NRG3: variants seen among roughly 807,000 people sequenced by gnomAD.
NRG3 encodes pro-neuregulin-3, membrane-bound isoform.
NRG3 carries 31 observed loss-of-function variants against 66.9 expected under a neutral mutation model. The observed-to-expected ratio is 0.46, with a 90% confidence interval of 0.35 to 0.63. NRG3 has a LOEUF of 0.63. Among genes scored for constraint, NRG3 ranks in the 20% least tolerant of loss-of-function variants. The pLI, the probability that NRG3 is intolerant of heterozygous loss-of-function variation, is 0.00. For missense variants in NRG3, 910 were observed against 878.9 expected, an observed-to-expected ratio of 1.04 and a Z score of -0.45; for synonymous variants, 393 against 359.4, an observed-to-expected ratio of 1.09 and a Z score of -1.06.
chr10:82,147,960 C>T (rs890296971), intron 1 of NRG3, among the ~76,000 whole-genome samples: 6 of 152,142 alleles, frequency 3.9e-5, no homozygotes, highest in South Asian at 4.1e-4. Flanking sequence ...ATGGGAAAAG[C>T]GTTTTAAAAG....
At chr10:82,183,017 A>T (rs557745839) in intron 1 of NRG3, among the ~76,000 whole-genome samples, 1 of 152,002 alleles carries the variant, frequency 6.6e-6, no homozygotes, top group South Asian at 2.1e-4. Flanking sequence ...CTACATAATG[A>T]TTGGATTTCT....
intron 2 of NRG3, among the ~76,000 whole-genome samples, chr10:82,664,028 G>C (rs1412091849): frequency 6.6e-6 from 1 of 152,114 alleles, no homozygotes; most frequent in Admixed American, 6.5e-5. Context: ...CTTTGGGGAG[G>C]CTTTTCATGT....
intron 1 of NRG3, among the ~76,000 whole-genome samples, chr10:82,190,629 C>G (rs1159448296): frequency 1.3e-5 from 2 of 152,110 alleles, no homozygotes; most frequent in African/African-American, 4.8e-5. Flanking sequence ...CAAGCTTTCC[C>G]ACTGGCTCTG....
chr10:82,306,564 C>T (rs1285979175), intron 1 of NRG3, among the ~76,000 whole-genome samples: 2 of 151,656 alleles, frequency 1.3e-5, no homozygotes, highest in Non-Finnish European at 2.9e-5. Flanking sequence ...ATTAGCCAGG[C>T]GTGGTGGTGG....
At chr10:82,090,972 T>G (rs1414730202) in intron 1 of NRG3, among the ~76,000 whole-genome samples, 1 of 152,128 alleles carries the variant, frequency 6.6e-6, no homozygotes, top group Non-Finnish European at 1.5e-5. Context: ...AACGGTGCAG[T>G]GTGAAGCATT....
intron 4 of NRG3, among the ~76,000 whole-genome samples, chr10:82,884,134 C>A (rs1842527545): frequency 6.6e-6 from 1 of 151,386 alleles, no homozygotes; most frequent in East Asian, 1.9e-4. Flanking sequence ...CTTTGTTTTA[C>A]CTGTCTACCA....
intron 7 of NRG3, among the ~76,000 whole-genome samples, chr10:82,978,538 T>A (rs914866569): frequency 2.0e-5 from 3 of 152,200 alleles, no homozygotes; most frequent in Non-Finnish European, 4.4e-5. Flanking sequence ...GGGCTTACTG[T>A]GTTCAGTTTT....
At chr10:82,807,377 C>T (rs946253806) in intron 3 of NRG3, among the ~76,000 whole-genome samples, 1 of 152,086 alleles carries the variant, frequency 6.6e-6, no homozygotes, top group Non-Finnish European at 1.5e-5. Context: ...GTCATGAATA[C>T]CTACTTTGTG....
chr10:82,132,727 T>G (rs2069020683), intron 1 of NRG3, among the ~76,000 whole-genome samples: 1 of 151,090 alleles, frequency 6.6e-6, no homozygotes, highest in Non-Finnish European at 1.5e-5. Context: ...CTGCGATACT[T>G]TTTATTACAG....
chr10:82,320,183 G>A (rs1386792604), intron 1 of NRG3, among the ~76,000 whole-genome samples: 3 of 152,176 alleles, frequency 2.0e-5, no homozygotes, highest in Non-Finnish European at 4.4e-5. Flanking sequence ...GGTAAGCCAT[G>A]AAGACCCAAA....
chr10:82,010,099 A>T (rs1343795111), intron 1 of NRG3, among the ~76,000 whole-genome samples: 1 of 152,220 alleles, frequency 6.6e-6, no homozygotes, highest in Non-Finnish European at 1.5e-5. Flanking sequence ...AAATGAGGGC[A>T]CTTTCTAATG....
At chr10:82,047,870 C>T (rs2063384716) in intron 1 of NRG3, among the ~76,000 whole-genome samples, 2 of 152,028 alleles carry the variant, frequency 1.3e-5, no homozygotes, top group African/African-American at 2.4e-5. Flanking sequence ...CATGCAGAGA[C>T]GCACATAGGC....
At chr10:82,298,741 CTG>C (rs1355030279) in intron 1 of NRG3, among the ~76,000 whole-genome samples, 73 of 152,258 alleles carry the variant, frequency 4.8e-4, no homozygotes, top group African/African-American at 1.7e-3. Flanking sequence ...GAATTCTATG[CTG>C]TGCACAGAAT....
At chr10:82,097,532 A>C (rs1362957762) in intron 1 of NRG3, among the ~76,000 whole-genome samples, 1 of 149,866 alleles carries the variant, frequency 6.7e-6, no homozygotes, top group Non-Finnish European at 1.5e-5. Context: ...TATCTGTGAT[A>C]TATATATATA....
chr10:82,784,534 A>C (rs1229797832), intron 3 of NRG3, among the ~76,000 whole-genome samples: 1 of 152,248 alleles, frequency 6.6e-6, no homozygotes. Context: ...CCCATCAAAA[A>C]GTGGGCAAAG....
intron 1 of NRG3, among the ~76,000 whole-genome samples, chr10:82,338,027 G>A (rs548105717): frequency 6.6e-6 from 1 of 152,196 alleles, no homozygotes; most frequent in African/African-American, 2.4e-5. Flanking sequence ...TGCTTCATGT[G>A]CATCGATATG....
chr10:82,546,036 T>C (rs1358669571), intron 2 of NRG3, among the ~76,000 whole-genome samples: 1 of 152,200 alleles, frequency 6.6e-6, no homozygotes, highest in Non-Finnish European at 1.5e-5. Flanking sequence ...CCCAAAGTGC[T>C]GGGATTACAG....
chr10:82,847,505 A>G (rs1244299221), intron 3 of NRG3, among the ~76,000 whole-genome samples: 1 of 152,224 alleles, frequency 6.6e-6, no homozygotes, highest in East Asian at 1.9e-4. Flanking sequence ...AAGGTCAAAC[A>G]TGGTTACTGA....
chr10:82,186,476 TC>T (rs1174015660), intron 1 of NRG3, among the ~76,000 whole-genome samples: 2 of 152,164 alleles, frequency 1.3e-5, no homozygotes, highest in African/African-American at 4.8e-5. Context: ...GAGGTCCACT[TC>T]CACTAATGCC....
Sources: gnomAD v4.1 joint callset for allele counts (sites outside exome capture counted in the v4.1 genomes callset) on GRCh38, gnomAD v4.1.1 for gene constraint, MANE v1.5 for transcripts, NCBI Gene and HGNC (gene_info 2026-07-23, HGNC 2026-07-21) for gene names.